Variants in PANK4 observed in about 807,000 individuals in gnomAD.
PANK4 encodes pantothenate kinase 4 (inactive).
In PANK4, 40 loss-of-function variants were observed where a neutral mutation model predicts 87.9. That is an observed-to-expected ratio of 0.46 (90% CI 0.35 to 0.59). PANK4 has a LOEUF of 0.59. Ranked by LOEUF, PANK4 falls within the 20% of genes least tolerant of loss-of-function variation. The pLI is 0.00. For missense variants in PANK4, 926 were observed against 1,072.3 expected, an observed-to-expected ratio of 0.86 and a Z score of 1.90; for synonymous variants, 524 against 467.4, an observed-to-expected ratio of 1.12 and a Z score of -1.56.
At position 2,519,003 on chromosome 1, in the gene PANK4, C is replaced by G; in HGVS notation, c.1035+140G>C. The G allele has an allele frequency of 1.3e-6, 1 of 769,844 alleles. No individual in the cohort carries two copies. The highest frequency in any genetic ancestry group is 1.7e-5 in the African/African-American group (1 of 57,704). 47.7% of individuals were successfully genotyped at this position (769,844 alleles called of 1,614,324 possible). On this transcript the variant is annotated intron_variant, in intron 7 of 18. Coordinates refer to ENST00000378466, the MANE Select transcript of PANK4 (RefSeq NM_018216.4). This position sits in a 1 kb window ranked among gnomAD's most constrained non-coding sequence, Gnocchi z 8.3. ...AAAATGTAGGCTGCCCAGAATCAGTCAGAAGGGAGGGGTGCTGGGCTTCTT... is the reference window on the plus strand; with the variant it reads ...AAAATGTAGGCTGCCCAGAATCAGTGAGAAGGGAGGGGTGCTGGGCTTCTT...
At position 2,509,990 on chromosome 1, in the gene PANK4, G is replaced by A; in HGVS notation, c.2040-60C>T. ...CTCCCAGTTCAGTGACAATCCCCAT[G>A]GCCCACTCTGCCCAGCTGGTGCCCC... is the stretch of plus-strand genomic sequence containing the variant. On this transcript the variant is annotated intron_variant, in intron 17 of 18. Coordinates refer to ENST00000378466, the MANE Select transcript of PANK4 (RefSeq NM_018216.4). The surrounding 1 kb of genome is among the most constrained non-coding windows in gnomAD (Gnocchi z 4.9). 6.3e-7 allele frequency: 1 copy of A among 1,578,356 alleles called. No homozygotes were observed. The highest frequency in any genetic ancestry group is 8.7e-7 in the Non-Finnish European group (1 of 1,155,614).
Position 2,509,563 on chromosome 1 carries a change from G to C in PANK4, c.2108+299C>G, listed in dbSNP as rs111666571. ...ACACGGAGGTGACAGACACCGGGCA[G>C]CTGCCCAGGTCGCCCTCGGTCTCAG... On this transcript the variant is annotated intron_variant, in intron 18 of 18. Transcript: ENST00000378466. The surrounding 1 kb of genome is among the most constrained non-coding windows in gnomAD (Gnocchi z 4.9). 1.3e-5 allele frequency among the ~76,000 whole-genome samples: 2 copies of C among 152,210 alleles called. No individual in the cohort carries two copies. Among genetic ancestry groups the C allele is most frequent in the African/African-American group, 4.8e-5 (2 of 41,448 alleles).
chr1:2,514,110 G>A (rs781429929), intron 11 of PANK4, 21 bp from the exon 12 acceptor site: 9 of 1,596,062 alleles, frequency 5.6e-6, no homozygotes, highest in East Asian at 2.2e-5. Context: ...ACACGGCAGA[G>A]GGCGCTGAGC....
chr1:2,522,039 T>A, intron 1 of PANK4: 1 of 557,434 alleles, frequency 1.8e-6, no homozygotes, highest in Non-Finnish European at 3.2e-6. Flanking sequence ...CAAACTGAGC[T>A]CAAGAGGTCC....
chr1:2,510,878 G>T lies in PANK4; in HGVS notation c.1834-96C>A. On this transcript the variant is annotated intron_variant, in intron 15 of 18. Coordinates refer to ENST00000378466, the MANE Select transcript of PANK4 (RefSeq NM_018216.4). This position sits in a 1 kb window ranked among gnomAD's most constrained non-coding sequence, Gnocchi z 4.9. ...CCCGTCACGCTGCCCTGCAGGGGCC[G>T]AGACTGGGGGCTTCAGGGCCCCAGA... 1 of 757,130 alleles carries T rather than the reference G, an allele frequency of 1.3e-6. No individual in the cohort carries two copies. The highest frequency in any genetic ancestry group is 2.3e-6 in the Non-Finnish European group (1 of 429,570). 46.9% of individuals were successfully genotyped at this position (757,130 alleles called of 1,614,324 possible). A position where few individuals can be genotyped will look rare whatever the true frequency, so the allele number is the denominator to read the frequency against.
chr1:2,518,549 T>C lies in PANK4; in HGVS notation c.1084A>G (p.Ile362Val), dbSNP rs1643826812. ...TCAGCTCCTTTCAGGAACGCTCCGATGGCTCCCAGGTAGCCTTCGTGCCTC... is the reference window on the plus strand; with the variant it reads ...TCAGCTCCTTTCAGGAACGCTCCGACGGCTCCCAGGTAGCCTTCGTGCCTC... ...FLRHEGYLGA[I>V]GAFLKGAEQD... The change falls in exon 8 of 19, where the codon ATC (isoleucine) becomes GTC (valine). Residue 362 changes from isoleucine to valine, a missense_variant. Coordinates refer to ENST00000378466, the MANE Select transcript of PANK4 (RefSeq NM_018216.4). 2 of 1,574,198 alleles carry C rather than the reference T, an allele frequency of 1.3e-6. No individual in the cohort carries two copies. The highest frequency in any genetic ancestry group is 1.7e-6 in the Non-Finnish European group (2 of 1,159,702).
chr1:2,521,646 C>T (rs770970296), intron 2 of PANK4, 72 bp downstream of exon 2: 30 of 1,199,460 alleles, frequency 2.5e-5, no homozygotes, highest in East Asian at 2.3e-5. Context: ...GGGATGACTG[C>T]GAGACAAGTG....
In PANK4 at chr1:2,515,055, T is replaced by C. The variant is rs1339799605; in HGVS notation, c.1374+507A>G. ...GGGCTTCGTGAAGAGTGCGTGTTGC[T>C]ACCGGGGCTCCCTGGCCCCGAGCTG... is the stretch of plus-strand genomic sequence containing the variant. On this transcript the variant is annotated intron_variant, in intron 10 of 18. Transcript: ENST00000378466. The surrounding 1 kb of genome is among the most constrained non-coding windows in gnomAD (Gnocchi z 5.0). Among the ~76,000 whole-genome samples, 1 of 152,136 alleles carries C rather than the reference T, an allele frequency of 6.6e-6. No homozygotes were observed. Among genetic ancestry groups the C allele is most frequent in the Non-Finnish European group, 1.5e-5 (1 of 68,004 alleles).
chr1:2,509,870 G>C lies in PANK4; in HGVS notation c.2100C>G (p.Leu700=). 1 of 1,611,638 alleles carries C rather than the reference G, an allele frequency of 6.2e-7. No individual in the cohort carries two copies. Among genetic ancestry groups the C allele is most frequent in the Non-Finnish European group, 8.5e-7 (1 of 1,179,736 alleles). The change falls in exon 18 of 19, where the codon CTC becomes CTG. Residue 700 remains leucine (L), a synonymous_variant. Transcript: ENST00000378466. This position sits in a 1 kb window ranked among gnomAD's most constrained non-coding sequence, Gnocchi z 4.9. ...LVQTGSSSPC[L]DLSRLDKGLA... ...GCAGGGTGCGGGGTTACCTGAGGTCGAGGCACGGGGAGCTGGAGCCCGTCT... is the reference window on the plus strand; with the variant it reads ...GCAGGGTGCGGGGTTACCTGAGGTCCAGGCACGGGGAGCTGGAGCCCGTCT...
chr1:2,516,011 A>G, intron 9 of PANK4: 2 of 483,650 alleles, frequency 4.1e-6, no homozygotes, highest in Non-Finnish European at 3.7e-6. Context: ...CGCTGCAGTC[A>G]CCCTCCCATC....
At chr1:2,521,595 G>C in intron 2 of PANK4, 123 bp downstream of exon 2, 2 of 864,510 alleles carry the variant, frequency 2.3e-6, no homozygotes, top group South Asian at 1.3e-5. Context: ...GTCCCTGCTA[G>C]AAACTCCCAG....
At chr1:2,516,604 C>T (rs896391137) in intron 9 of PANK4, among the ~76,000 whole-genome samples, 1 of 152,216 alleles carries the variant, frequency 6.6e-6, no homozygotes, top group African/African-American at 2.4e-5. Context: ...CACTGGGGCA[C>T]CCCTGCTGGC....
intron 10 of PANK4, among the ~76,000 whole-genome samples, chr1:2,514,680 C>T (rs1012975797): frequency 3.3e-4 from 8 of 24,022 alleles, no homozygotes; most frequent in African/African-American, 1.8e-3. Flanking sequence ...GGGGGCTTCC[C>T]GGGGCAGGGT....
At chr1:2,514,236 G>T in intron 11 of PANK4, 118 bp downstream of exon 11, 3 of 1,111,180 alleles carry the variant, frequency 2.7e-6, no homozygotes, top group Non-Finnish European at 4.1e-6. Flanking sequence ...TGCCGCCAGG[G>T]CCCACACCCA....
chr1:2,514,401 G>A lies in PANK4; in HGVS notation c.1440C>T (p.Phe480=). ...GAAGCTTGTTCCAGTACTTCTGCCGGAACTTCTCCGCCCTCTCGGCTGCAT... is the reference window on the plus strand; with the variant it reads ...GAAGCTTGTTCCAGTACTTCTGCCGAAACTTCTCCGCCCTCTCGGCTGCAT... The part of the protein sequence containing the change: ...SVDAAERAEK[F]RQKYWNKLQT... The change falls in exon 11 of 19, where the codon TTC becomes TTT. Residue 480 remains phenylalanine (F), a synonymous_variant. Coordinates refer to ENST00000378466, the MANE Select transcript of PANK4 (RefSeq NM_018216.4). The A allele has an allele frequency of 6.2e-7, 1 of 1,612,436 alleles. No homozygotes were observed. The highest frequency in any genetic ancestry group is 1.1e-5 in the South Asian group (1 of 91,074).
At chr1:2,516,546 C>G (rs1643780802) in intron 9 of PANK4, among the ~76,000 whole-genome samples, 1 of 152,216 alleles carries the variant, frequency 6.6e-6, no homozygotes, top group Non-Finnish European at 1.5e-5. Context: ...CTCTTCCCAC[C>G]CTCCGGTGGC....
rs759946329 is a variant in PANK4 at position 2,520,466 on chromosome 1, G to C, written c.607-52C>G. The C allele has an allele frequency of 2.0e-6, 3 of 1,493,586 alleles. No homozygotes were observed. In the Admixed American group the frequency reaches 5.0e-5, roughly 25 times the overall value. 92.5% of individuals were successfully genotyped at this position (1,493,586 alleles called of 1,614,324 possible). A position where few individuals can be genotyped will look rare whatever the true frequency, so the allele number is the denominator to read the frequency against. On this transcript the variant is annotated intron_variant, in intron 4 of 18. Transcript: ENST00000378466. This position sits in a 1 kb window ranked among gnomAD's most constrained non-coding sequence, Gnocchi z 6.2. ...CCTCAGTGGGCCCTCAGCCACACAG[G>C]CTCCCCCGCCCCCCGCCCCATGTGC...
chr1:2,521,426 G>T, intron 2 of PANK4, 111 bp from the exon 3 acceptor site: 1 of 899,056 alleles, frequency 1.1e-6, no homozygotes. Flanking sequence ...TCAACCAGGC[G>T]GCGCTCTGAG....
Position 2,513,992 on chromosome 1 carries a change from C to G in PANK4, c.1575+10G>C. ...AGAGCGAGCGGAAGGCCAGGGCACACTGCACTTACTTTGGAGTAGGGATCC... is the reference window on the plus strand; with the variant it reads ...AGAGCGAGCGGAAGGCCAGGGCACAGTGCACTTACTTTGGAGTAGGGATCC... On this transcript the variant is annotated intron_variant, in intron 12 of 18. Coordinates refer to ENST00000378466, the MANE Select transcript of PANK4 (RefSeq NM_018216.4). 1 of 1,598,486 alleles carries G rather than the reference C, an allele frequency of 6.3e-7. No homozygotes were observed. The highest frequency in any genetic ancestry group is 8.6e-7 in the Non-Finnish European group (1 of 1,166,780).
Sources: allele counts gnomAD v4.1 joint callset (sites outside exome capture counted in the v4.1 genomes callset), GRCh38; gene constraint gnomAD v4.1.1; non-coding constraint Gnocchi (gnomAD v3.1); transcripts MANE v1.5; gene names NCBI Gene and HGNC (gene_info 2026-07-23, HGNC 2026-07-21).